Variants in PARD3 observed in about 807,000 individuals in gnomAD.
The protein encoded by PARD3 is partitioning defective 3 homolog.
A neutral mutation model predicts 155.4 loss-of-function variants in PARD3; 75 were observed. The observed-to-expected ratio is 0.48, with a 90% CI of 0.40 to 0.58. The LOEUF (loss-of-function observed/expected upper bound fraction) is 0.58. PARD3 is among the 20% of genes least tolerant of loss of function. The probability of loss-of-function intolerance (pLI) is 0.00; values close to 1 mark genes in which losing one functional copy is unlikely to be tolerated. For missense variants in PARD3, 1,642 were observed against 1,721.7 expected (o/e 0.95, Z 0.82); for synonymous variants, 576 against 610.5 (o/e 0.94, Z 0.83).
At chr10:34,148,388 G>A (rs915233633) in intron 22 of PARD3, among the ~76,000 whole-genome samples, 3 of 152,158 alleles carry the variant, frequency 2.0e-5, no homozygotes, top group Non-Finnish European at 4.4e-5. Flanking sequence ...TGTCTCTACA[G>A]ACTGGCGCTG....
At chr10:34,579,000 C>T (rs1404224138) in intron 2 of PARD3, among the ~76,000 whole-genome samples, 2 of 152,182 alleles carry the variant, frequency 1.3e-5, no homozygotes, top group African/African-American at 4.8e-5. Context: ...AGGCTGCGCG[C>T]AGTAGCTCAT....
intron 1 of PARD3, among the ~76,000 whole-genome samples, chr10:34,758,705 T>C (rs1048078498): frequency 2.0e-5 from 3 of 152,212 alleles, no homozygotes; most frequent in African/African-American, 7.2e-5. Context: ...AATTTCACTT[T>C]ACTCATTCAC....
chr10:34,582,668 A>G (rs983250154), intron 2 of PARD3, among the ~76,000 whole-genome samples: 5 of 152,232 alleles, frequency 3.3e-5, no homozygotes, highest in Non-Finnish European at 5.9e-5. Context: ...TTGATGTGTT[A>G]TGCGCTATAT....
Position 34,514,233 on chromosome 10 carries a change from CCTT to C in PARD3, c.403+2743_403+2745del, listed in dbSNP as rs548180980. Reference sequence around the variant, plus strand: ...TGGAAAACACAGGAAAGTGACCACTCCTTCTTTAAGGCAAAAATTAGAAATTTA... The same window carrying C: ...TGGAAAACACAGGAAAGTGACCACTCCTTTAAGGCAAAAATTAGAAATTTA... On this transcript the variant is annotated intron_variant, in intron 3 of 24. Coordinates refer to ENST00000374788, the MANE Select transcript of PARD3 (RefSeq NM_001184785.2). Among the ~76,000 whole-genome samples the C allele has an allele frequency of 1.2e-4, 18 of 152,268 alleles. No homozygotes were observed. In the South Asian group the frequency reaches 3.7e-3, roughly 32 times the overall value.
At chr10:34,546,045 G>A (rs563879082) in intron 2 of PARD3, among the ~76,000 whole-genome samples, 4 of 152,108 alleles carry the variant, frequency 2.6e-5, no homozygotes, top group African/African-American at 7.2e-5. Context: ...TGTCTTTAAC[G>A]TAAAAGTATA....
At chr10:34,576,256 A>G (rs2086878700) in intron 2 of PARD3, among the ~76,000 whole-genome samples, 1 of 152,196 alleles carries the variant, frequency 6.6e-6, no homozygotes, top group Admixed American at 6.5e-5. Context: ...ACAACATAAT[A>G]CAGTTCGCTT....
At chr10:34,380,570 G>A (rs1375567173) in intron 9 of PARD3, among the ~76,000 whole-genome samples, 2 of 151,512 alleles carry the variant, frequency 1.3e-5, no homozygotes, top group East Asian at 3.9e-4. Context: ...CCTTTTTTTG[G>A]AGAATCTGTA....
intron 22 of PARD3, among the ~76,000 whole-genome samples, chr10:34,226,882 G>A (rs994799733): frequency 6.6e-6 from 1 of 152,062 alleles, no homozygotes; most frequent in African/African-American, 2.4e-5. Context: ...AATAAAGGAA[G>A]GAACTATTGA....
chr10:34,297,176 G>A (rs989648243), intron 20 of PARD3, among the ~76,000 whole-genome samples: 3 of 152,056 alleles, frequency 2.0e-5, no homozygotes, highest in Non-Finnish European at 2.9e-5. Flanking sequence ...GGTGGCGCAC[G>A]CCTGTCGTCC....
intron 7 of PARD3, among the ~76,000 whole-genome samples, chr10:34,388,149 G>C (rs954291448): frequency 1.3e-5 from 2 of 152,188 alleles, no homozygotes; most frequent in African/African-American, 4.8e-5. Flanking sequence ...GACTGACACA[G>C]CAAGAGATGA....
At chr10:34,605,179 AATT>A (rs1168437972) in intron 2 of PARD3, among the ~76,000 whole-genome samples, 14 of 114,214 alleles carry the variant, frequency 1.2e-4, no homozygotes, top group African/African-American at 2.2e-4. Context: ...CCCAAAATGA[AATT>A]TTTTTTTTTT....
chr10:34,308,864 A>G (rs1353751076), intron 20 of PARD3, among the ~76,000 whole-genome samples: 1 of 152,190 alleles, frequency 6.6e-6, no homozygotes, highest in Non-Finnish European at 1.5e-5. Context: ...CAAGACCTGG[A>G]GGACAGAGTA....
At chr10:34,126,155 G>A (rs1053139086) in intron 23 of PARD3, among the ~76,000 whole-genome samples, 1 of 152,180 alleles carries the variant, frequency 6.6e-6, no homozygotes, top group African/African-American at 2.4e-5. Context: ...ACTTGGGAGA[G>A]AATTCACTTC....
chr10:34,328,595 C>T (rs1456307823), intron 19 of PARD3, among the ~76,000 whole-genome samples: 1 of 152,192 alleles, frequency 6.6e-6, no homozygotes, highest in African/African-American at 2.4e-5. Flanking sequence ...CTTTCCCACT[C>T]TCCAAACCCA....
At chr10:34,476,258 T>C (rs942041652) in intron 3 of PARD3, among the ~76,000 whole-genome samples, 1 of 152,248 alleles carries the variant, frequency 6.6e-6, no homozygotes, top group African/African-American at 2.4e-5. Flanking sequence ...TAATTAATTT[T>C]GTTTCTTCAT....
chr10:34,660,598 T>C (rs1000736092), intron 2 of PARD3, among the ~76,000 whole-genome samples: 2 of 151,846 alleles, frequency 1.3e-5, no homozygotes, highest in African/African-American at 2.4e-5. Context: ...ACCGGGCAAA[T>C]AGCCATGCAT....
intron 2 of PARD3, among the ~76,000 whole-genome samples, chr10:34,565,505 G>A (rs2134102229): frequency 6.6e-6 from 1 of 152,022 alleles, no homozygotes; most frequent in Non-Finnish European, 1.5e-5. Context: ...GACCTCAAGT[G>A]ATCCGCCCGC....
intron 22 of PARD3, among the ~76,000 whole-genome samples, chr10:34,205,712 G>A (rs1951441153): frequency 6.6e-6 from 1 of 152,146 alleles, no homozygotes. Context: ...CCTGAAGATG[G>A]GCAGGGACTC....
intron 21 of PARD3, among the ~76,000 whole-genome samples, chr10:34,279,407 T>A (rs1336109003): frequency 2.0e-5 from 3 of 152,184 alleles, no homozygotes; most frequent in East Asian, 1.9e-4. Flanking sequence ...AAAATTTTTT[T>A]AAAAAAACTT....
Sources: allele counts gnomAD v4.1 joint callset (sites outside exome capture counted in the v4.1 genomes callset), GRCh38; gene constraint gnomAD v4.1.1; transcripts MANE v1.5; gene names NCBI Gene and HGNC (gene_info 2026-07-23, HGNC 2026-07-21).